The following TLR2 variants were observed in gnomAD, a reference collection of about 807,000 sequenced individuals.
TLR2 encodes the protein toll-like receptor 2.
TLR2 carries 7 observed loss-of-function variants against 9.1 expected under a neutral mutation model. That is an observed-to-expected ratio of 0.77 (90% CI 0.44 to 1.44). The LOEUF (loss-of-function observed/expected upper bound fraction) is 1.44. Among genes scored for constraint, TLR2 ranks in the 40% most tolerant of loss-of-function variants. The pLI is 0.01. For missense variants in TLR2, 812 were observed against 904.6 expected (o/e 0.90, Z 1.31); for synonymous variants, 317 against 344.6 (o/e 0.92, Z 0.89).
chr4:153,709,723 C>T (rs1016180553), downstream of TLR2, among the ~76,000 whole-genome samples: 10 of 152,206 alleles, frequency 6.6e-5, no homozygotes, highest in South Asian at 2.1e-4. Flanking sequence ...TGCACGCGCA[C>T]GCAGAGTGGA....
chr4:153,702,942 G>A lies in TLR2; in HGVS notation c.35G>A (p.Gly12Glu). Residue 12 changes from glycine to glutamate, a missense_variant, in exon 3 of 3, where the codon GGG (glycine) becomes GAG (glutamate). By Grantham distance (98) the Gly-to-Glu change is moderately conservative. Transcript: ENST00000642700. ...ACTTTGTGGATGGTGTGGGTCTTGG[G>A]GGTCATCATCAGCCTCTCCAAGGAA... is the stretch of plus-strand genomic sequence containing the variant. ...PHTLWMVWVL[G>E]VIISLSKEES... is the part of the protein sequence containing the mutation. 1 of 1,602,776 alleles carries A rather than the reference G, an allele frequency of 6.2e-7. No homozygotes were observed. Among genetic ancestry groups the A allele is most frequent in the Non-Finnish European group, 8.5e-7 (1 of 1,174,458 alleles).
rs1735824276 is a variant in TLR2 at position 153,687,890 on chromosome 4, ATT to A, written c.-162-10_-162-9del. On this transcript the variant is annotated splice_polypyrimidine_tract_variant and intron_variant, in intron 1 of 2. Coordinates refer to ENST00000642700, the MANE Select transcript of TLR2 (RefSeq NM_001318789.2). Reference sequence around the variant, plus strand: ...GCTAAAATAAACTCTGTCAAATTTAATTTGTCTGAAGTTTCTCTTTTAACAGT... The same window carrying A: ...GCTAAAATAAACTCTGTCAAATTTAATGTCTGAAGTTTCTCTTTTAACAGT... 1 of 152,130 alleles carries A rather than the reference ATT, an allele frequency of 6.6e-6. No individual in the cohort carries two copies. The highest frequency in any genetic ancestry group is 1.5e-5 in the Non-Finnish European group (1 of 68,026). The allele number at this position is 152,130 out of a possible 1,614,324, so 9.4% of individuals were successfully genotyped here.
intron 2 of TLR2, among the ~76,000 whole-genome samples, chr4:153,693,116 C>T (rs1348310424): frequency 3.3e-5 from 5 of 152,230 alleles, no homozygotes; most frequent in African/African-American, 1.2e-4. Flanking sequence ...CCTGGCTCTG[C>T]TTTCCAGGGA....
Position 153,687,893 on chromosome 4 carries a change from T to G in TLR2, c.-162-9T>G, listed in dbSNP as rs1007487481. ...AAAATAAACTCTGTCAAATTTAATT[T>G]GTCTGAAGTTTCTCTTTTAACAGTG... On this transcript the variant is annotated splice_polypyrimidine_tract_variant and intron_variant, in intron 1 of 2. Coordinates refer to ENST00000642700, the MANE Select transcript of TLR2 (RefSeq NM_001318789.2). 3.3e-5 allele frequency: 5 copies of G among 152,222 alleles called. No individual in the cohort carries two copies. The highest frequency in any genetic ancestry group is 6.5e-5 in the Admixed American group (1 of 15,286). The allele number at this position is 152,222 out of a possible 1,614,324, so 9.4% of individuals were successfully genotyped here.
At chr4:153,700,868 AT>A (rs760221891) in intron 2 of TLR2, among the ~76,000 whole-genome samples, 7 of 152,306 alleles carry the variant, frequency 4.6e-5, no homozygotes, top group South Asian at 4.1e-4. Flanking sequence ...TAACAAAAAA[AT>A]ATTGTTGATT....
At chr4:153,690,340 T>C (rs1215174282) in intron 2 of TLR2, among the ~76,000 whole-genome samples, 1 of 152,262 alleles carries the variant, frequency 6.6e-6, no homozygotes, top group Non-Finnish European at 1.5e-5. Flanking sequence ...CTTTCTACAA[T>C]GGTTTGTCCT....
intron 1 of TLR2, 139 bp from the exon 2 acceptor site, chr4:153,687,763 A>G (rs1296617173): frequency 1.3e-5 from 2 of 152,214 alleles, no homozygotes; most frequent in Non-Finnish European, 2.9e-5. Flanking sequence ...GGTGATTACT[A>G]TGCTCTTGTG....
chr4:153,700,108 A>G (rs1052806622), intron 2 of TLR2, among the ~76,000 whole-genome samples: 4 of 152,024 alleles, frequency 2.6e-5, no homozygotes, highest in African/African-American at 9.7e-5. Context: ...GTGAAGGGGG[A>G]GGTCCCAGAC....
chr4:153,703,245 C>A lies in TLR2; in HGVS notation c.338C>A (p.Ser113Tyr). The A allele has an allele frequency of 6.2e-7, 1 of 1,613,920 alleles. No homozygotes were observed. The highest frequency in any genetic ancestry group is 8.5e-7 in the Non-Finnish European group (1 of 1,179,970). The change falls in exon 3 of 3, where the codon TCT becomes TAT. Residue 113 changes from serine (S) to tyrosine (Y), a missense_variant. Ser to Tyr is a moderately radical substitution (Grantham distance 144, BLOSUM62 -2). Coordinates refer to ENST00000642700, the MANE Select transcript of TLR2 (RefSeq NM_001318789.2). ...EHLDLSYNYL[S>Y]NLSSSWFKPL... Reference sequence around the variant, plus strand: ...TTAGACTTATCCTATAATTACTTATCTAATTTATCGTCTTCCTGGTTCAAG... The same window carrying A: ...TTAGACTTATCCTATAATTACTTATATAATTTATCGTCTTCCTGGTTCAAG...
intron 2 of TLR2, among the ~76,000 whole-genome samples, chr4:153,696,553 A>G (rs1736509943): frequency 6.6e-6 from 1 of 152,184 alleles, no homozygotes; most frequent in Non-Finnish European, 1.5e-5. Flanking sequence ...GATTTTGTAT[A>G]CTACAATTTC....
At chr4:153,693,933 C>T (rs772071038) in intron 2 of TLR2, among the ~76,000 whole-genome samples, 22 of 152,288 alleles carry the variant, frequency 1.4e-4, no homozygotes, top group Admixed American at 3.3e-4. Context: ...GAGACCAGCT[C>T]GGTCGTGGAG....
At chr4:153,685,503 CCAAA>C (rs1560733371) in intron 1 of TLR2, among the ~76,000 whole-genome samples, 1 of 151,998 alleles carries the variant, frequency 6.6e-6, no homozygotes, top group Non-Finnish European at 1.5e-5. Flanking sequence ...AAGGGACAGA[CCAAA>C]CAAACAACAA....
chr4:153,688,371 T>A (rs1816702), intron 2 of TLR2: 1 of 152,342 alleles, frequency 6.6e-6, no homozygotes, highest in South Asian at 2.1e-4. Flanking sequence ...AATGGACTGC[T>A]GAGACCAGCT....
At chr4:153,706,507 C>T (rs1324301864), downstream of TLR2, among the ~76,000 whole-genome samples, 2 of 152,116 alleles carry the variant, frequency 1.3e-5, no homozygotes, top group South Asian at 2.1e-4. Flanking sequence ...CTAGAGTTTC[C>T]TCATAATGAC....
chr4:153,702,678 T>A (rs1487150281), intron 2 of TLR2: 1 of 534,030 alleles, frequency 1.9e-6, no homozygotes, highest in African/African-American at 1.9e-5. Flanking sequence ...TATGTCTGTG[T>A]TAGCATTGCT....
intron 2 of TLR2, chr4:153,688,707 G>A (rs1402161242): frequency 6.3e-6 from 1 of 159,602 alleles, no homozygotes; most frequent in African/African-American, 2.4e-5. Flanking sequence ...ACGTTAAGCG[G>A]TTTTCTGCCC....
chr4:153,703,239 AC>A lies in TLR2; in HGVS notation c.333del (p.Leu112TyrfsTer15). ...GAACATTTAGACTTATCCTATAATT[AC>A]TTATCTAATTTATCGTCTTCCTGGT... ...SLEHLDLSYN[Y>X]LSNLSSSWFK... On this transcript the variant is annotated frameshift_variant, in exon 3 of 3. Coordinates refer to ENST00000642700, the MANE Select transcript of TLR2 (RefSeq NM_001318789.2). LOFTEE classifies it low-confidence loss of function (END_TRUNC). 1.2e-6 allele frequency: 2 copies of A among 1,613,970 alleles called. No individual in the cohort carries two copies. The highest frequency in any genetic ancestry group is 1.7e-6 in the Non-Finnish European group (2 of 1,179,976).
At chr4:153,692,569 G>A (rs765911361) in intron 2 of TLR2, among the ~76,000 whole-genome samples, 14 of 152,066 alleles carry the variant, frequency 9.2e-5, no homozygotes, top group Non-Finnish European at 1.9e-4. Context: ...TTGTCTTTCC[G>A]CTTGAAGCAT....
In TLR2 at chr4:153,705,844, C is replaced by G. The variant is rs1053511665; in HGVS notation, c.*582C>G. On this transcript the variant is annotated 3_prime_UTR_variant, in exon 3 of 3. Coordinates refer to ENST00000642700, the MANE Select transcript of TLR2 (RefSeq NM_001318789.2). ...GAGGGCCAACTGTAATCTGTAGCAA[C>G]TGGCTTAGTTCATTAGGAAACAGCA... 4 of 167,096 alleles carry G rather than the reference C, an allele frequency of 2.4e-5. No homozygotes were observed. Among genetic ancestry groups the G allele is most frequent in the African/African-American group, 9.7e-5 (4 of 41,442 alleles). 10.4% of individuals were successfully genotyped at this position (167,096 alleles called of 1,614,324 possible). A position where few individuals can be genotyped will look rare whatever the true frequency, so the allele number is the denominator to read the frequency against.
Sources: allele counts gnomAD v4.1 joint callset (sites outside exome capture counted in the v4.1 genomes callset), GRCh38; gene constraint gnomAD v4.1.1; transcripts MANE v1.5; gene names NCBI Gene and HGNC (gene_info 2026-07-23, HGNC 2026-07-21).